GCC2: variants seen among roughly 807,000 people sequenced by gnomAD.
GCC2 encodes the protein GRIP and coiled-coil domain-containing protein 2.
A neutral mutation model predicts 210.6 loss-of-function variants in GCC2; 120 were observed. The ratio of observed to expected loss-of-function variants is 0.57; its 90% CI spans 0.49 to 0.66. The LOEUF is 0.66. Ranked by LOEUF, GCC2 falls within the 30% of genes least tolerant of loss-of-function variation. GCC2 has a pLI of 0.00. For synonymous variants in GCC2, 703 were observed against 652.7 expected (o/e 1.08, Z -1.17); for missense variants, 1,868 against 1,871.9 (o/e 1.00, Z 0.04).
chr2:108,485,941 G>GT, intron 15 of GCC2, 33 bp downstream of exon 15: 2 of 1,110,334 alleles, frequency 1.8e-6, no homozygotes, highest in Non-Finnish European at 2.6e-6. Flanking sequence ...TTAAAAAAAT[G>GT]TTTTTTCATG....
At chr2:108,498,396 A>G (rs1682755953) in intron 21 of GCC2, among the ~76,000 whole-genome samples, 1 of 151,384 alleles carries the variant, frequency 6.6e-6, no homozygotes, top group South Asian at 2.1e-4. Context: ...TGGTTTCACC[A>G]TGTTGGCCAG....
Position 108,473,954 on chromosome 2 carries a change from C to T in GCC2, c.2860+1055C>T, listed in dbSNP as rs199608016. Among the ~76,000 whole-genome samples the T allele has an allele frequency of 1.1e-4, 17 of 151,966 alleles. No homozygotes were observed. In the East Asian group the frequency reaches 2.5e-3, roughly 23 times the overall value. ...GGATCACGAGGTCAGGAGATTGAGA[C>T]CATCCTGGCTAACACGGTGAAACCC... On this transcript the variant is annotated intron_variant, in intron 7 of 22. Coordinates refer to ENST00000309863, the MANE Select transcript of GCC2 (RefSeq NM_181453.4).
At chr2:108,457,761 G>A (rs1266027047) in intron 4 of GCC2, among the ~76,000 whole-genome samples, 1 of 152,016 alleles carries the variant, frequency 6.6e-6, no homozygotes, top group Non-Finnish European at 1.5e-5. Flanking sequence ...CTATTTTATT[G>A]TTGGTATATA....
rs1400697261 is a variant in GCC2, at chr2:108,482,343, G to A, written c.3237G>A (p.Gln1079=). Residue 1079 remains glutamine (Q), a synonymous_variant, in exon 11 of 23, where the codon CAG becomes CAA. Coordinates refer to ENST00000309863, the MANE Select transcript of GCC2 (RefSeq NM_181453.4). ...EDLLARIETL[Q]SNAKLLEVQI... ...TCCTGGCTCGTATTGAGACATTACAGTCTAATGCCAAATTATTAGAAGTAC... is the reference window on the plus strand; with the variant it reads ...TCCTGGCTCGTATTGAGACATTACAATCTAATGCCAAATTATTAGAAGTAC... 1 of 1,579,928 alleles carries A rather than the reference G, an allele frequency of 6.3e-7. No homozygotes were observed. Among genetic ancestry groups the A allele is most frequent in the Non-Finnish European group, 8.7e-7 (1 of 1,149,702 alleles).
At chr2:108,498,245 G>T (rs1193685901) in intron 21 of GCC2, among the ~76,000 whole-genome samples, 8 of 119,126 alleles carry the variant, frequency 6.7e-5, no homozygotes, top group African/African-American at 2.3e-4. Context: ...TCCAGGTTTG[G>T]AGTGCAGTGG....
At chr2:108,502,567 A>T (rs1279464405) in intron 22 of GCC2, among the ~76,000 whole-genome samples, 2 of 152,114 alleles carry the variant, frequency 1.3e-5, no homozygotes, top group Non-Finnish European at 2.9e-5. Context: ...CATAAAAGAG[A>T]CCTTATTACA....
chr2:108,477,108 G>C (rs992353371), intron 9 of GCC2, among the ~76,000 whole-genome samples: 51 of 152,028 alleles, frequency 3.4e-4, no homozygotes, highest in African/African-American at 1.2e-3. Flanking sequence ...GCTGGATCTT[G>C]ACAGAATTCT....
At chr2:108,504,880 A>C (rs1683108911) in intron 22 of GCC2, among the ~76,000 whole-genome samples, 1 of 152,206 alleles carries the variant, frequency 6.6e-6, no homozygotes, top group Non-Finnish European at 1.5e-5. Context: ...GACGAAAAAA[A>C]AGCCCAGCAA....
rs1236069384 is a variant in GCC2 at position 108,495,414 on chromosome 2, A to T, written c.4571A>T (p.Glu1524Val). The change falls in exon 20 of 23, where the codon GAG becomes GTG. Residue 1524 changes from glutamate (E) to valine (V), a missense_variant. Coordinates refer to ENST00000309863, the MANE Select transcript of GCC2 (RefSeq NM_181453.4). The part of the protein sequence containing the change: ...EGEGMETTDT[E>V]SVSSASTYTQ... Reference sequence around the variant, plus strand: ...GAAGGCATGGAGACAACTGATACGGAGTCTGTGTCTTCCGCCAGCACATAC... The same window carrying T: ...GAAGGCATGGAGACAACTGATACGGTGTCTGTGTCTTCCGCCAGCACATAC... 1 of 1,591,736 alleles carries T rather than the reference A, an allele frequency of 6.3e-7. No homozygotes were observed. The highest frequency in any genetic ancestry group is 8.5e-7 in the Non-Finnish European group (1 of 1,175,716).
intron 4 of GCC2, among the ~76,000 whole-genome samples, chr2:108,460,739 C>T (rs1241746943): frequency 1.3e-5 from 2 of 151,892 alleles, no homozygotes; most frequent in African/African-American, 4.8e-5. Context: ...GATTTGTGTC[C>T]CTGCCCAAAT....
In GCC2 at chr2:108,470,651, ATG is replaced by A; in HGVS notation, c.1323_1324del (p.Asn441LysfsTer17). The A allele has an allele frequency of 6.2e-7, 1 of 1,612,222 alleles. No individual in the cohort carries two copies. The highest frequency in any genetic ancestry group is 8.5e-7 in the Non-Finnish European group (1 of 1,178,912). On this transcript the variant is annotated frameshift_variant, in exon 6 of 23. Coordinates refer to ENST00000309863, the MANE Select transcript of GCC2 (RefSeq NM_181453.4). LOFTEE classifies it high-confidence loss of function. ...CATCAAAAAGAAATATCAGAACTAA[ATG>A]AGACATTTTTGTCAGATTCAGAAAA... is the stretch of plus-strand genomic sequence containing the variant.
intron 17 of GCC2, 50 bp from the exon 18 acceptor site, chr2:108,489,788 T>TC (rs778384989): frequency 1.5e-6 from 2 of 1,317,192 alleles, no homozygotes; most frequent in Non-Finnish European, 2.1e-6. Flanking sequence ...AACCACAAAA[T>TC]CAAATTCACC....
intron 14 of GCC2, 39 bp downstream of exon 14, chr2:108,485,775 A>G (rs777755234): frequency 1.4e-6 from 2 of 1,456,178 alleles, no homozygotes; most frequent in Non-Finnish European, 1.9e-6. Context: ...GTACTTATTC[A>G]TAATTTATTT....
rs1295013194 is a variant in GCC2, at chr2:108,481,907, G to T, written c.3180+91G>T. 9.4e-6 allele frequency: 9 copies of T among 961,048 alleles called. No homozygotes were observed. The East Asian group carries it at 2.5e-4, about 27-fold the overall frequency. The allele number at this position is 961,048 out of a possible 1,614,324, so 59.5% of individuals were successfully genotyped here. On this transcript the variant is annotated intron_variant, in intron 10 of 22. Transcript: ENST00000309863. ...CATAAAAAATTTAAAAAATATAGTC[G>T]GAAACAGAATTTATTCCCCCCCCAC...
At chr2:108,493,623 A>T (rs1201247678) in intron 19 of GCC2, 6 of 985,428 alleles carry the variant, frequency 6.1e-6, no homozygotes, top group East Asian at 2.3e-4. Context: ...TGCTTCCAGG[A>T]AGACATGGAA....
At chr2:108,452,204 C>T (rs1679981829) in intron 3 of GCC2, among the ~76,000 whole-genome samples, 195 bp from the exon 4 acceptor site, 1 of 152,064 alleles carries the variant, frequency 6.6e-6, no homozygotes, top group South Asian at 2.1e-4. Context: ...GAAGTGAGTA[C>T]AGGTTGGGAG....
Position 108,482,382 on chromosome 2 carries a change from C to A in GCC2, c.3276C>A (p.Val1092=). The part of the protein sequence containing the change: ...AKLLEVQILE[V]QRAKAMVDKE... ...TATTAGAAGTACAGATTTTAGAAGT[C>A]CAGAGAGCCAAAGCAATGGTAGACA... The change falls in exon 11 of 23, where the codon GTC becomes GTA. Residue 1092 remains valine, a synonymous_variant. Transcript: ENST00000309863. 2 of 1,581,754 alleles carry A rather than the reference C, an allele frequency of 1.3e-6. No individual in the cohort carries two copies. Among genetic ancestry groups the A allele is most frequent in the African/African-American group, 1.3e-5 (1 of 74,300 alleles).
At chr2:108,449,811 A>C in intron 2 of GCC2, 122 bp downstream of exon 2, 1 of 707,406 alleles carries the variant, frequency 1.4e-6, no homozygotes, top group Non-Finnish European at 2.4e-6. Context: ...GCTCCAAGGG[A>C]TCTCAATTTT....
intron 4 of GCC2, among the ~76,000 whole-genome samples, chr2:108,454,077 G>A (rs1043180094): frequency 3.3e-5 from 5 of 151,972 alleles, no homozygotes; most frequent in Non-Finnish European, 5.9e-5. Context: ...CGCAAGCTCC[G>A]CCTCCTGGGT....
Sources: gnomAD v4.1 joint callset for allele counts (sites outside exome capture counted in the v4.1 genomes callset) on GRCh38, gnomAD v4.1.1 for gene constraint, MANE v1.5 for transcripts, NCBI Gene and HGNC (gene_info 2026-07-23, HGNC 2026-07-21) for gene names.